The following MSR1 variants were observed in gnomAD, a reference collection of about 807,000 sequenced individuals.
The protein encoded by MSR1 is macrophage scavenger receptor 1.
In MSR1, 53 loss-of-function variants were observed where a neutral mutation model predicts 47.2. The ratio of observed to expected loss-of-function variants is 1.12; its 90% CI spans 0.90 to 1.41. The LOEUF (loss-of-function observed/expected upper bound fraction) is 1.41. MSR1 is among the 40% of genes most tolerant of loss of function. The pLI is 0.00. For missense variants in MSR1, 786 were observed against 546.9 expected (o/e 1.44, Z -4.36); for synonymous variants, 239 against 185.6 (o/e 1.29, Z -2.34).
chr8:16,129,298 G>C (rs926189318), intron 8 of MSR1, among the ~76,000 whole-genome samples: 3 of 152,068 alleles, frequency 2.0e-5, no homozygotes, highest in Admixed American at 2.0e-4. Context: ...CTTTGGCATG[G>C]ATTAAGCAGG....
At chr8:16,188,956 C>CA (rs1414064978) in intron 1 of MSR1, among the ~76,000 whole-genome samples, 1 of 87,760 alleles carries the variant, frequency 1.1e-5, no homozygotes, top group East Asian at 3.4e-4. Flanking sequence ...CCTAATAATT[C>CA]AACACACATA....
chr8:16,176,797 T>C (rs962325220), intron 2 of MSR1, among the ~76,000 whole-genome samples: 1 of 152,190 alleles, frequency 6.6e-6, no homozygotes, highest in Non-Finnish European at 1.5e-5. Flanking sequence ...CTCACTGTTA[T>C]CTTTTCTTAC....
At chr8:16,138,792 G>A (rs1014403240) in intron 8 of MSR1, among the ~76,000 whole-genome samples, 1 of 152,180 alleles carries the variant, frequency 6.6e-6, no homozygotes, top group Non-Finnish European at 1.5e-5. Context: ...AATGTTGCTA[G>A]CCTGCTAATA....
At chr8:16,147,899 T>C (rs1800744162) in intron 7 of MSR1, among the ~76,000 whole-genome samples, 1 of 152,148 alleles carries the variant, frequency 6.6e-6, no homozygotes, top group African/African-American at 2.4e-5. Context: ...CAAAATGTGG[T>C]CCCTGGACCA....
chr8:16,163,950 G>A (rs1801230363), intron 5 of MSR1, 115 bp downstream of exon 5: 1 of 818,668 alleles, frequency 1.2e-6, no homozygotes, highest in African/African-American at 1.7e-5. Flanking sequence ...TGCAGTAAAT[G>A]TAAGCTCAGA....
chr8:16,139,292 C>G (rs1232258789), intron 8 of MSR1: 2 of 984,104 alleles, frequency 2.0e-6, no homozygotes, highest in African/African-American at 3.5e-5. Flanking sequence ...TATTCCAGTT[C>G]AGAGAGATCA....
chr8:16,190,571 A>T (rs1176480106), intron 1 of MSR1, among the ~76,000 whole-genome samples: 1 of 152,144 alleles, frequency 6.6e-6, no homozygotes, highest in Non-Finnish European at 1.5e-5. Flanking sequence ...CACTGCTTAT[A>T]CATCCCCACA....
At chr8:16,136,093 T>G (rs1800382340) in intron 8 of MSR1, among the ~76,000 whole-genome samples, 1 of 152,158 alleles carries the variant, frequency 6.6e-6, no homozygotes, top group African/African-American at 2.4e-5. Flanking sequence ...TAGATTTAGT[T>G]GACAAAGCAG....
intron 1 of MSR1, among the ~76,000 whole-genome samples, chr8:16,189,909 T>G (rs1802145275): frequency 1.4e-5 from 2 of 144,018 alleles, no homozygotes; most frequent in African/African-American, 5.3e-5. Context: ...ATGTTATAAA[T>G]ATTTCCTTTT....
chr8:16,187,051 T>C (rs1802020193), intron 1 of MSR1, among the ~76,000 whole-genome samples: 1 of 151,932 alleles, frequency 6.6e-6, no homozygotes, highest in African/African-American at 2.4e-5. Context: ...CCTGAATGCC[T>C]TCTCGTCTCA....
chr8:16,179,618 G>T (rs1421263272), intron 1 of MSR1, among the ~76,000 whole-genome samples: 2 of 151,902 alleles, frequency 1.3e-5, no homozygotes, highest in Non-Finnish European at 2.9e-5. Context: ...AGTGGCTCAC[G>T]CCTGTAATCC....
intron 1 of MSR1, among the ~76,000 whole-genome samples, chr8:16,179,761 C>T (rs1252767117): frequency 6.6e-6 from 1 of 150,538 alleles, no homozygotes; most frequent in Non-Finnish European, 1.5e-5. Context: ...CCTGTAATCC[C>T]AGCTATTCGG....
intron 5 of MSR1, among the ~76,000 whole-genome samples, chr8:16,156,548 C>T (rs187183688): frequency 8.6e-5 from 13 of 151,844 alleles, no homozygotes; most frequent in Non-Finnish European, 1.8e-4. Flanking sequence ...TCCTCATATG[C>T]AACATTGGAC....
At chr8:16,151,708 T>G (rs556500588) in intron 6 of MSR1, among the ~76,000 whole-genome samples, 1 of 152,148 alleles carries the variant, frequency 6.6e-6, no homozygotes, top group Non-Finnish European at 1.5e-5. Flanking sequence ...GAATCCATCA[T>G]TTTAGAGACA....
rs775986768 is a variant in MSR1, at chr8:16,168,425, C to G, written c.630+33G>C. On this transcript the variant is annotated intron_variant, in intron 4 of 9. Transcript: ENST00000262101. ...GACGAGACTTGGATGGATTCAGTTC[C>G]AGCAAGTGACCTTGCAGTCCACAAA... 26 of 1,612,296 alleles carry G rather than the reference C, an allele frequency of 1.6e-5. 1 individual carries two copies. In the South Asian group the frequency reaches 2.9e-4, roughly 18 times the overall value.
At chr8:16,184,504 TC>T (rs148091808) in intron 1 of MSR1, among the ~76,000 whole-genome samples, 1,858 of 152,212 alleles carry the variant, frequency 0.012, 30 homozygotes, top group African/African-American at 0.042. Context: ...CAAAGGAGGT[TC>T]AAAAAGAAGA....
chr8:16,110,100 G>C lies in MSR1; in HGVS notation c.1341C>G (p.Val447=), dbSNP rs373092509. The C allele has an allele frequency of 5.0e-6, 8 of 1,613,494 alleles. No individual in the cohort carries two copies. The African/African-American group carries it at 9.3e-5, about 19-fold the overall frequency. ...RACSHSEDAG[V]TCTL ...ATATGATGCATTATAAAGTGCAAGT[G>C]ACTCCAGCATCTTCAGAATGTGAAC... Residue 447 remains valine, a synonymous_variant, in exon 10 of 10, where the codon GTC becomes GTG. Transcript: ENST00000262101.
chr8:16,157,286 T>C (rs1364703211), intron 5 of MSR1, among the ~76,000 whole-genome samples: 4 of 151,958 alleles, frequency 2.6e-5, no homozygotes, highest in Admixed American at 2.6e-4. Context: ...AACTATCCTT[T>C]CAATTATATT....
chr8:16,168,991 A>C, intron 3 of MSR1, 121 bp from the exon 4 acceptor site: 1 of 1,010,962 alleles, frequency 9.9e-7, no homozygotes, highest in Non-Finnish European at 1.5e-6. Flanking sequence ...TTTGAATGCT[A>C]GGCTAAATCG....
Sources: gnomAD v4.1 joint callset for allele counts (sites outside exome capture counted in the v4.1 genomes callset) on GRCh38, gnomAD v4.1.1 for gene constraint, MANE v1.5 for transcripts, NCBI Gene and HGNC (gene_info 2026-07-23, HGNC 2026-07-21) for gene names.